Variants in YKT6 observed in about 807,000 individuals in gnomAD.
YKT6 encodes YKT6 vesicular SNARE protein.
A neutral mutation model predicts 29.3 loss-of-function variants in YKT6; 12 were observed. The observed-to-expected ratio is 0.41, with a 90% CI of 0.26 to 0.66. The LOEUF is 0.66. YKT6 is among the 30% of genes least tolerant of loss of function. The probability of loss-of-function intolerance (pLI) is 0.32; values close to 1 mark genes in which losing one functional copy is unlikely to be tolerated. For synonymous variants in YKT6, 86 were observed against 94.3 expected (o/e 0.91, Z 0.51); for missense variants, 188 against 243.8 (o/e 0.77, Z 1.52).
chr7:44,204,494 C>T, intron 1 of YKT6, 74 bp from the exon 2 acceptor site: 1 of 1,461,554 alleles, frequency 6.8e-7, no homozygotes, highest in Non-Finnish European at 9.5e-7. Flanking sequence ...ATGTATAAGC[C>T]CAGAGGTCAC....
At position 44,201,230 on chromosome 7, in the gene YKT6, A is replaced by G; in HGVS notation, c.95A>G (p.Gln32Arg). The G allele has an allele frequency of 6.2e-7, 1 of 1,611,852 alleles. No individual in the cohort carries two copies. The highest frequency in any genetic ancestry group is 2.2e-5 in the East Asian group (1 of 44,768). ...GATGTGTCTTCCTTCAGCTTTTTCC[A>G]GAGATCCAGGTGAGCGGCACAGGCT... ...AYDVSSFSFF[Q>R]RSSVQEFMTF... The change falls in exon 1 of 7, where the codon CAG (glutamine) becomes CGG (arginine). Residue 32 changes from glutamine to arginine, a missense_variant. Coordinates refer to ENST00000223369, the MANE Select transcript of YKT6 (RefSeq NM_006555.4).
chr7:44,212,293 C>T lies in YKT6; in HGVS notation c.*11C>T, dbSNP rs201721301. ...TGTGCCATCATGTGATGCAGCCTGC[C>T]AGAGGCCCAATGCTGGAATGGCACC... On this transcript the variant is annotated 3_prime_UTR_variant, in exon 7 of 7. Transcript: ENST00000223369. 60 of 1,613,638 alleles carry T rather than the reference C, an allele frequency of 3.7e-5. No homozygotes were observed. The highest frequency in any genetic ancestry group is 5.0e-5 in the Non-Finnish European group (59 of 1,179,850).
At chr7:44,209,504 G>A (rs182584711) in intron 5 of YKT6, among the ~76,000 whole-genome samples, 38 of 152,274 alleles carry the variant, frequency 2.5e-4, no homozygotes, top group Admixed American at 1.0e-3. Context: ...TGGGACACCC[G>A]CTGTTTCTCC....
At chr7:44,203,241 G>A (rs974431749) in intron 1 of YKT6, among the ~76,000 whole-genome samples, 3 of 151,974 alleles carry the variant, frequency 2.0e-5, no homozygotes, top group Non-Finnish European at 4.4e-5. Context: ...TTACAGGCGC[G>A]CACCACCACA....
In YKT6 at chr7:44,206,115, G is replaced by A. The variant is rs55835817; in HGVS notation, c.188-270G>A. 5.8e-3 allele frequency among the ~76,000 whole-genome samples: 882 copies of A among 152,272 alleles called. 5 individuals carry two copies. The highest frequency in any genetic ancestry group is 0.017 in the Middle Eastern group (5 of 294). On this transcript the variant is annotated intron_variant, in intron 2 of 6. Transcript: ENST00000223369. The stretch of plus-strand genomic sequence containing the variant: ...CCTGGGGCCATGTTGTCAAGGGTGT[G>A]TTTTCTGCACCACTGGCTGTTTCTT...
intron 5 of YKT6, among the ~76,000 whole-genome samples, chr7:44,210,091 A>G (rs942421292): frequency 6.6e-6 from 1 of 151,992 alleles, no homozygotes; most frequent in African/African-American, 2.4e-5. Context: ...TTTTTTCAGT[A>G]TAAAACTTAC....
intron 1 of YKT6, among the ~76,000 whole-genome samples, chr7:44,204,032 A>G (rs2096338426): frequency 6.6e-6 from 1 of 152,088 alleles, no homozygotes. Context: ...CTTTTGTTCC[A>G]TCCAGAGTGT....
chr7:44,203,002 C>T (rs938112429), intron 1 of YKT6, among the ~76,000 whole-genome samples: 2 of 152,154 alleles, frequency 1.3e-5, no homozygotes, highest in African/African-American at 4.8e-5. Flanking sequence ...CTTGGGATGC[C>T]CACACTAGTT....
chr7:44,201,019 A>C lies in YKT6; in HGVS notation c.-117A>C. The C allele has an allele frequency of 1.3e-4, 89 of 711,032 alleles. No homozygotes were observed. Among genetic ancestry groups the C allele is most frequent in the East Asian group, 1.5e-4 (4 of 26,884 alleles). The allele number at this position is 711,032 out of a possible 1,614,324, so 44.0% of individuals were successfully genotyped here. A position where few individuals can be genotyped will look rare whatever the true frequency, so the allele number is the denominator to read the frequency against. On this transcript the variant is annotated 5_prime_UTR_variant, in exon 1 of 7. Transcript: ENST00000223369. Reference sequence around the variant, plus strand: ...GGAGGAAGCCGGCGGTGGCCCCGTCAGCAGCCGGCTGCTGAGAGGCCGGTA... The same window carrying C: ...GGAGGAAGCCGGCGGTGGCCCCGTCCGCAGCCGGCTGCTGAGAGGCCGGTA...
chr7:44,204,714 C>A, intron 2 of YKT6, 64 bp downstream of exon 2: 1 of 1,525,022 alleles, frequency 6.6e-7, no homozygotes, highest in Non-Finnish European at 9.1e-7. Flanking sequence ...CCTCACATAG[C>A]ACCCAGCTTT....
At chr7:44,207,880 C>T (rs1215030901) in intron 4 of YKT6, among the ~76,000 whole-genome samples, 1 of 152,134 alleles carries the variant, frequency 6.6e-6, no homozygotes, top group African/African-American at 2.4e-5. Flanking sequence ...CATGTGCCAC[C>T]ACGCCTGGCT....
rs1007914406 is a variant in YKT6 at position 44,203,227 on chromosome 7, G to T, written c.105-1341G>T. Among the ~76,000 whole-genome samples, 120 of 152,210 alleles carry T rather than the reference G, an allele frequency of 7.9e-4. 1 individual carries two copies. Among genetic ancestry groups the T allele is most frequent in the African/African-American group, 2.6e-3 (109 of 41,512 alleles). ...TCCTGCCTCAGCCTCCCAAGTAGCT[G>T]GGATTACAGGCGCGCACCACCACAC... On this transcript the variant is annotated intron_variant, in intron 1 of 6. Transcript: ENST00000223369.
At chr7:44,206,062 G>A (rs150406120) in intron 2 of YKT6, among the ~76,000 whole-genome samples, 5 of 152,302 alleles carry the variant, frequency 3.3e-5, no homozygotes, top group Middle Eastern at 3.4e-3. Context: ...GGCCTGACCC[G>A]AGCTTAAGGA....
chr7:44,210,812 ATCT>A (rs2096345949), intron 5 of YKT6: 1 of 626,180 alleles, frequency 1.6e-6, no homozygotes, highest in Non-Finnish European at 3.0e-6. Flanking sequence ...TCCCAGTTAG[ATCT>A]TCTAGATTTC....
intron 6 of YKT6, 69 bp from the exon 7 acceptor site, chr7:44,212,178 C>A: frequency 6.3e-7 from 1 of 1,599,818 alleles, no homozygotes; most frequent in Non-Finnish European, 8.6e-7. Flanking sequence ...CTCTGCCACG[C>A]CTGCCAGGAT....
At position 44,211,119 on chromosome 7, in the gene YKT6, A is replaced by AT; in HGVS notation, c.556_557insT (p.Lys186IlefsTer57). On this transcript the variant is annotated frameshift_variant, in exon 6 of 7. Transcript: ENST00000223369. LOFTEE classifies it high-confidence loss of function. ...GGGAACACAGTCTAAAGCCTTCTAT[A>AT]AAACTGTGAGTACCCAGCACCTGCT... is the stretch of plus-strand genomic sequence containing the variant. 6.2e-7 allele frequency: 1 copy of AT among 1,613,828 alleles called. No individual in the cohort carries two copies. Among genetic ancestry groups the AT allele is most frequent in the African/African-American group, 1.3e-5 (1 of 75,040 alleles).
At chr7:44,202,202 C>G (rs1023224228) in intron 1 of YKT6, among the ~76,000 whole-genome samples, 1 of 151,154 alleles carries the variant, frequency 6.6e-6, no homozygotes, top group Admixed American at 6.6e-5. Flanking sequence ...TTGCCAAGGA[C>G]TTGCTGGATG....
Position 44,212,375 on chromosome 7 carries a change from G to A in YKT6, c.*93G>A. ...AAGAAGAGACAGCCATAGACGAGGA[G>A]CCAGAGTGGGGGCAGACTGGCCATT... On this transcript the variant is annotated 3_prime_UTR_variant, in exon 7 of 7. Transcript: ENST00000223369. 6.6e-7 allele frequency: 1 copy of A among 1,526,504 alleles called. No individual in the cohort carries two copies. Among genetic ancestry groups the A allele is most frequent in the Non-Finnish European group, 9.0e-7 (1 of 1,112,304 alleles). 94.6% of individuals were successfully genotyped at this position (1,526,504 alleles called of 1,614,324 possible). A position where few individuals can be genotyped will look rare whatever the true frequency, so the allele number is the denominator to read the frequency against.
At chr7:44,210,975 C>T in intron 5 of YKT6, 48 bp from the exon 6 acceptor site, 2 of 1,599,504 alleles carry the variant, frequency 1.3e-6, no homozygotes, top group Non-Finnish European at 1.7e-6. Flanking sequence ...GGGCTCATGT[C>T]AGGGCACGTA....
Sources: allele counts gnomAD v4.1 joint callset (sites outside exome capture counted in the v4.1 genomes callset), GRCh38; gene constraint gnomAD v4.1.1; transcripts MANE v1.5; gene names NCBI Gene and HGNC (gene_info 2026-07-23, HGNC 2026-07-21).